LRRC8D: variants seen among roughly 807,000 people sequenced by gnomAD.
The protein encoded by LRRC8D is volume-regulated anion channel subunit LRRC8D.
In LRRC8D, 20 loss-of-function variants were observed where a neutral mutation model predicts 55.8. The ratio of observed to expected loss-of-function variants is 0.36; its 90% CI spans 0.25 to 0.52. LRRC8D has a LOEUF of 0.52. Among genes scored for constraint, LRRC8D ranks in the 20% least tolerant of loss-of-function variants. LRRC8D has a pLI of 0.93. For synonymous variants in LRRC8D, 352 were observed against 377.0 expected (o/e 0.93, Z 0.77); for missense variants, 651 against 1,030.8 (o/e 0.63, Z 5.05).
intron 1 of LRRC8D, among the ~76,000 whole-genome samples, chr1:89,834,792 AGAGCTGAGGGAACGTTG>A (rs1660966756): frequency 6.6e-6 from 1 of 152,188 alleles, no homozygotes; most frequent in African/African-American, 2.4e-5. Context: ...AATTGATGGG[AGAGCTGAGGGAACGTTG>A]GAGCAGCAAA....
At chr1:89,829,174 A>T (rs1660830662) in intron 1 of LRRC8D, among the ~76,000 whole-genome samples, 1 of 152,370 alleles carries the variant, frequency 6.6e-6, no homozygotes, top group Middle Eastern at 3.4e-3. Context: ...GTATTCTCAG[A>T]TATGGCTGCT....
chr1:89,907,449 C>CA (rs567455730), intron 2 of LRRC8D, among the ~76,000 whole-genome samples: 64 of 152,194 alleles, frequency 4.2e-4, no homozygotes, highest in African/African-American at 1.4e-3. Flanking sequence ...CCTAACCTCA[C>CA]AAAGTGCTGG....
intron 1 of LRRC8D, among the ~76,000 whole-genome samples, chr1:89,835,305 G>A (rs1480333840): frequency 6.6e-6 from 1 of 152,196 alleles, no homozygotes; most frequent in African/African-American, 2.4e-5. Context: ...GTTTGTCCCT[G>A]TATGGATGAT....
At chr1:89,844,447 G>A (rs1440377359) in intron 2 of LRRC8D, among the ~76,000 whole-genome samples, 1 of 152,192 alleles carries the variant, frequency 6.6e-6, no homozygotes, top group Non-Finnish European at 1.5e-5. Flanking sequence ...AGCGAGTTCT[G>A]AGATGTTTAG....
chr1:89,909,299 A>G (rs1663073490), intron 2 of LRRC8D, among the ~76,000 whole-genome samples: 1 of 151,976 alleles, frequency 6.6e-6, no homozygotes, highest in Non-Finnish European at 1.5e-5. Flanking sequence ...GTCATTAGTA[A>G]TAAAGTCCCG....
intron 2 of LRRC8D, among the ~76,000 whole-genome samples, chr1:89,875,633 GTCT>G (rs749828807): frequency 1.3e-5 from 2 of 152,118 alleles, no homozygotes; most frequent in Non-Finnish European, 2.9e-5. Context: ...CTCTTTTAAG[GTCT>G]TCTTTATTTC....
chr1:89,855,557 A>G (rs1426167098), intron 2 of LRRC8D, among the ~76,000 whole-genome samples: 1 of 152,198 alleles, frequency 6.6e-6, no homozygotes, highest in Non-Finnish European at 1.5e-5. Flanking sequence ...CTATTACACA[A>G]CTTAATGCTT....
intron 1 of LRRC8D, among the ~76,000 whole-genome samples, chr1:89,839,336 G>T (rs1476466426): frequency 6.6e-6 from 1 of 152,210 alleles, no homozygotes; most frequent in Non-Finnish European, 1.5e-5. Context: ...GGAAATTGGA[G>T]CACTGAGCTT....
chr1:89,826,015 C>G (rs1270995674), intron 1 of LRRC8D, among the ~76,000 whole-genome samples: 1 of 152,174 alleles, frequency 6.6e-6, no homozygotes, highest in Non-Finnish European at 1.5e-5. Context: ...TACTTGGTTT[C>G]CCTTCTTTAC....
chr1:89,901,922 G>A (rs1334827672), intron 2 of LRRC8D, among the ~76,000 whole-genome samples: 4 of 152,204 alleles, frequency 2.6e-5, no homozygotes, highest in Non-Finnish European at 5.9e-5. Flanking sequence ...TTCCACCGAA[G>A]CCTCACAGAG....
chr1:89,861,504 A>G (rs568912904), intron 2 of LRRC8D, among the ~76,000 whole-genome samples: 2 of 151,984 alleles, frequency 1.3e-5, no homozygotes, highest in Admixed American at 1.3e-4. Flanking sequence ...CCTCTTCTTT[A>G]TTAATACCTG....
chr1:89,918,850 T>A (rs1231058315), intron 2 of LRRC8D, among the ~76,000 whole-genome samples: 2 of 152,248 alleles, frequency 1.3e-5, no homozygotes, highest in Non-Finnish European at 2.9e-5. Flanking sequence ...TAATTAATAG[T>A]GACCTTTTCT....
At chr1:89,868,555 A>G (rs981866499) in intron 2 of LRRC8D, among the ~76,000 whole-genome samples, 12 of 151,988 alleles carry the variant, frequency 7.9e-5, no homozygotes, top group African/African-American at 2.7e-4. Flanking sequence ...AAGGCACATC[A>G]ATTTTTTACA....
At chr1:89,884,591 T>C (rs1662367945) in intron 2 of LRRC8D, among the ~76,000 whole-genome samples, 1 of 152,218 alleles carries the variant, frequency 6.6e-6, no homozygotes, top group Admixed American at 6.5e-5. Context: ...ATAAGAACCG[T>C]GGAGTTAGAC....
rs116542233 is a variant in LRRC8D, at chr1:89,828,521, T to C, written c.-148+7230T>C. Among the ~76,000 whole-genome samples, 447 of 152,384 alleles carry C rather than the reference T, an allele frequency of 2.9e-3. 2 individuals are homozygous for C. The highest frequency in any genetic ancestry group is 0.01 in the African/African-American group (436 of 41,590). On this transcript the variant is annotated intron_variant, in intron 1 of 2. Coordinates refer to ENST00000337338, the MANE Select transcript of LRRC8D (RefSeq NM_001134479.2). The stretch of plus-strand genomic sequence containing the variant: ...TTCCTACTGGAAGGTTGGCTTGTTT[T>C]TTCATTTTATGAAAGGATGATGATG...
chr1:89,868,495 GTTTA>G (rs1557459220), intron 2 of LRRC8D, among the ~76,000 whole-genome samples: 1 of 152,102 alleles, frequency 6.6e-6, no homozygotes, highest in East Asian at 1.9e-4. Context: ...CACGAATGAG[GTTTA>G]TTTATGTAAA....
chr1:89,828,557 G>A (rs1213610162), intron 1 of LRRC8D, among the ~76,000 whole-genome samples: 1 of 152,012 alleles, frequency 6.6e-6, no homozygotes, highest in African/African-American at 2.4e-5. Flanking sequence ...GTTTTTTGGT[G>A]TCATTTCTAG....
At chr1:89,907,989 T>G (rs1287302282) in intron 2 of LRRC8D, among the ~76,000 whole-genome samples, 1 of 152,160 alleles carries the variant, frequency 6.6e-6, no homozygotes, top group Non-Finnish European at 1.5e-5. Flanking sequence ...TACTTACCAC[T>G]CGTATGTTGC....
chr1:89,876,894 C>T (rs534087149), intron 2 of LRRC8D, among the ~76,000 whole-genome samples: 28 of 152,344 alleles, frequency 1.8e-4, no homozygotes, highest in Non-Finnish European at 3.4e-4. Context: ...TTTCTATCTG[C>T]TCTCCAATTT....
Sources: allele counts gnomAD v4.1 joint callset (sites outside exome capture counted in the v4.1 genomes callset), GRCh38; gene constraint gnomAD v4.1.1; transcripts MANE v1.5; gene names NCBI Gene and HGNC (gene_info 2026-07-23, HGNC 2026-07-21).